Variants in ZDHHC7 observed in about 807,000 individuals in gnomAD.
The protein encoded by ZDHHC7 is zDHHC palmitoyltransferase 7, also known as palmitoyltransferase ZDHHC7.
Under a neutral mutation model 34.1 loss-of-function variants are expected in ZDHHC7, and 12 were observed. The observed-to-expected ratio is 0.35, with a 90% CI of 0.23 to 0.57. The LOEUF is 0.57. ZDHHC7 is among the 20% of genes least tolerant of loss of function. The pLI is 0.84. For synonymous variants in ZDHHC7, 185 were observed against 155.4 expected, an observed-to-expected ratio of 1.19 and a Z score of -1.42; for missense variants, 388 against 402.7, an observed-to-expected ratio of 0.96 and a Z score of 0.31.
chr16:85,019,997 T>C, the ZDHHC7 span, among the ~76,000 whole-genome samples: 6 of 152,200 alleles, frequency 3.9e-5, no homozygotes, highest in African/African-American at 1.2e-4. Flanking sequence ...GAGAGTCAGA[T>C]GTAAGCCATT....
At chr16:84,996,321 TAGC>T (rs1340788416) in intron 1 of ZDHHC7, among the ~76,000 whole-genome samples, 6 of 152,174 alleles carry the variant, frequency 3.9e-5, no homozygotes, top group Admixed American at 3.9e-4. Flanking sequence ...CAAATCTGGG[TAGC>T]CTGCACTTCT....
At chr16:84,995,540 C>T (rs2072565359) in intron 2 of ZDHHC7, among the ~76,000 whole-genome samples, 1 of 152,162 alleles carries the variant, frequency 6.6e-6, no homozygotes, top group Non-Finnish European at 1.5e-5. Context: ...GCAGAAGAAT[C>T]ACTTGAACCT....
At chr16:85,020,601 C>T in the ZDHHC7 span, among the ~76,000 whole-genome samples, 1 of 152,028 alleles carries the variant, frequency 6.6e-6, no homozygotes, top group African/African-American at 2.4e-5. Flanking sequence ...CAAAGGGACA[C>T]GCAGGCAGGT....
chr16:84,999,770 AGG>A (rs1342889509), intron 1 of ZDHHC7, among the ~76,000 whole-genome samples: 2 of 152,156 alleles, frequency 1.3e-5, no homozygotes, highest in Non-Finnish European at 2.9e-5. Context: ...GTATCTTGAG[AGG>A]GAAGTGGGTG....
At chr16:84,986,173 C>T (rs1597540044) in intron 3 of ZDHHC7, among the ~76,000 whole-genome samples, 1 of 152,128 alleles carries the variant, frequency 6.6e-6, no homozygotes, top group South Asian at 2.1e-4. Flanking sequence ...TGGGCGAGGC[C>T]ACCACATGAT....
At chr16:85,026,695 A>G in the ZDHHC7 span, among the ~76,000 whole-genome samples, 1 of 151,594 alleles carries the variant, frequency 6.6e-6, no homozygotes, top group African/African-American at 2.4e-5. Context: ...TCTCCTGCAT[A>G]ACTCCCGTAA....
chr16:85,004,541 C>G (rs1039482326), intron 1 of ZDHHC7, among the ~76,000 whole-genome samples: 7 of 151,264 alleles, frequency 4.6e-5, no homozygotes, highest in African/African-American at 1.7e-4. Context: ...CCCCACCCCC[C>G]ACTCCACCCC....
intron 3 of ZDHHC7, among the ~76,000 whole-genome samples, chr16:84,985,087 C>A (rs1012405806): frequency 4.6e-5 from 7 of 152,214 alleles, no homozygotes; most frequent in South Asian, 2.1e-4. Flanking sequence ...TCCCACTCAT[C>A]TTCTTGTGGG....
At chr16:85,011,652 A>C (rs1010123594), upstream of ZDHHC7, 9 of 152,220 alleles carry the variant, frequency 5.9e-5, no homozygotes, top group African/African-American at 2.2e-4. Flanking sequence ...CTGGCAGTTC[A>C]TTGAGAAAAG....
rs2072792510 is a variant in ZDHHC7 at position 85,011,508 on chromosome 16, A to C, written c.-326T>G. 1 of 152,174 alleles carries C rather than the reference A, an allele frequency of 6.6e-6. No homozygotes were observed. The highest frequency in any genetic ancestry group is 1.5e-5 in the Non-Finnish European group (1 of 68,048). The allele number at this position is 152,174 out of a possible 1,614,324, so 9.4% of individuals were successfully genotyped here. Reference sequence around the variant, plus strand: ...TGCCTCAGCCCGGAGCCTTGGCTGGAGAGCGGGGCGGTGCGAGCGCCGGAA... The same window carrying C: ...TGCCTCAGCCCGGAGCCTTGGCTGGCGAGCGGGGCGGTGCGAGCGCCGGAA... On this transcript the variant is annotated 5_prime_UTR_variant, in exon 1 of 8. Transcript: ENST00000313732.
intron 5 of ZDHHC7, among the ~76,000 whole-genome samples, chr16:84,978,452 A>G (rs1224520094): frequency 6.6e-6 from 1 of 152,232 alleles, no homozygotes; most frequent in Admixed American, 6.5e-5. Context: ...AGAAAAATAT[A>G]GCTGGGCATG....
At chr16:84,991,380 G>C (rs2072507616) in intron 2 of ZDHHC7, among the ~76,000 whole-genome samples, 1 of 151,938 alleles carries the variant, frequency 6.6e-6, no homozygotes, top group Non-Finnish European at 1.5e-5. Flanking sequence ...CCGTCTCCCA[G>C]GTTCAAGTGA....
Position 84,982,341 on chromosome 16 carries a change from T to C in ZDHHC7, c.316-347A>G, listed in dbSNP as rs543461149. On this transcript the variant is annotated intron_variant, in intron 3 of 7. Coordinates refer to ENST00000313732, the MANE Select transcript of ZDHHC7 (RefSeq NM_017740.3). Reference sequence around the variant, plus strand: ...ACCTGGGCGACAGGGCAAGACTCCATCTCAAAAAAAAAAAAAAAATCATAT... The same window carrying C: ...ACCTGGGCGACAGGGCAAGACTCCACCTCAAAAAAAAAAAAAAAATCATAT... Among the ~76,000 whole-genome samples, 457 of 141,006 alleles carry C rather than the reference T, an allele frequency of 3.2e-3. 2 individuals are homozygous for C. Among genetic ancestry groups the C allele is most frequent in the African/African-American group, 0.012 (434 of 36,384 alleles). The allele number at this position is 141,006 out of a possible 152,430, so 92.5% of individuals were successfully genotyped here. A position where few individuals can be genotyped will look rare whatever the true frequency, so the allele number is the denominator to read the frequency against.
At chr16:85,021,454 A>G in the ZDHHC7 span, among the ~76,000 whole-genome samples, 5 of 150,984 alleles carry the variant, frequency 3.3e-5, no homozygotes, top group African/African-American at 1.2e-4. Flanking sequence ...CACACCTATA[A>G]TCCCAGAGCT....
In ZDHHC7 at chr16:84,996,003, C is replaced by T. The variant is rs2072571786; in HGVS notation, c.-99G>A. 2.0e-5 allele frequency: 3 copies of T among 152,264 alleles called. No individual in the cohort carries two copies. The South Asian group carries it at 6.2e-4, about 32-fold the overall frequency. The allele number at this position is 152,264 out of a possible 1,614,324, so 9.4% of individuals were successfully genotyped here. On this transcript the variant is annotated 5_prime_UTR_variant, in exon 2 of 8. Coordinates refer to ENST00000313732, the MANE Select transcript of ZDHHC7 (RefSeq NM_017740.3). ...TAAGGTGCATACTGTCCTATGTGAT[C>T]GGATCTGAAAGGTAATAAAATCTGA...
At chr16:85,015,231 C>T (rs1016129270), upstream of ZDHHC7, among the ~76,000 whole-genome samples, 1 of 151,808 alleles carries the variant, frequency 6.6e-6, no homozygotes, top group Non-Finnish European at 1.5e-5. Context: ...TCCCAAGTAG[C>T]TGGGATTACA....
rs867210744 is a variant in ZDHHC7, at chr16:84,975,632, C to A, written c.*711G>T. 2 of 152,688 alleles carry A rather than the reference C, an allele frequency of 1.3e-5. No homozygotes were observed. Among genetic ancestry groups the A allele is most frequent in the African/African-American group, 4.8e-5 (2 of 41,462 alleles). 9.5% of individuals were successfully genotyped at this position (152,688 alleles called of 1,614,324 possible). A position where few individuals can be genotyped will look rare whatever the true frequency, so the allele number is the denominator to read the frequency against. ...CGGCTCTCTCCCCTCTTCCCTGAAA[C>A]GTCGGTTTCTAAAAAATAGCTTGTT... On this transcript the variant is annotated 3_prime_UTR_variant, in exon 8 of 8. Coordinates refer to ENST00000313732, the MANE Select transcript of ZDHHC7 (RefSeq NM_017740.3).
At chr16:84,984,813 A>G (rs2072416013) in intron 3 of ZDHHC7, among the ~76,000 whole-genome samples, 1 of 151,940 alleles carries the variant, frequency 6.6e-6, no homozygotes, top group South Asian at 2.1e-4. Context: ...TATCACCTAC[A>G]TTTTCATCCT....
chr16:84,998,313 C>G (rs1360169382), intron 1 of ZDHHC7, among the ~76,000 whole-genome samples: 1 of 151,328 alleles, frequency 6.6e-6, no homozygotes, highest in East Asian at 1.9e-4. Context: ...ACCTTCCAAA[C>G]AACAGAGGTT....
Sources: gnomAD v4.1 joint callset for allele counts (sites outside exome capture counted in the v4.1 genomes callset) on GRCh38, gnomAD v4.1.1 for gene constraint, MANE v1.5 for transcripts, NCBI Gene and HGNC (gene_info 2026-07-23, HGNC 2026-07-21) for gene names.